The following RPS6KA2 variants were observed in gnomAD, a reference collection of about 807,000 sequenced individuals.
RPS6KA2 encodes ribosomal protein S6 kinase alpha-2.
Under a neutral mutation model 91.8 loss-of-function variants are expected in RPS6KA2, and 42 were observed. The ratio of observed to expected loss-of-function variants is 0.46; its 90% CI spans 0.36 to 0.59. The LOEUF is 0.59. Among genes scored for constraint, RPS6KA2 ranks in the 20% least tolerant of loss-of-function variants. The probability of loss-of-function intolerance (pLI) is 0.00; values close to 1 mark genes in which losing one functional copy is unlikely to be tolerated. For synonymous variants in RPS6KA2, 414 were observed against 393.6 expected (o/e 1.05, Z -0.61); for missense variants, 798 against 978.5 (o/e 0.82, Z 2.46).
intron 1 of RPS6KA2, among the ~76,000 whole-genome samples, chr6:166,552,446 T>C (rs1283743344): frequency 6.6e-6 from 1 of 152,184 alleles, no homozygotes; most frequent in African/African-American, 2.4e-5. Flanking sequence ...GCGAAAGATG[T>C]GGGCTTGAGA....
At chr6:166,506,234 T>C (rs932402268) in intron 5 of RPS6KA2, among the ~76,000 whole-genome samples, 1 of 152,194 alleles carries the variant, frequency 6.6e-6, no homozygotes, top group African/African-American at 2.4e-5. Flanking sequence ...CACGAATCTG[T>C]GGTGCCCGCC....
Position 166,490,810 on chromosome 6 carries a change from C to T in RPS6KA2, c.748-69G>A, listed in dbSNP as rs908179089. ...GACCCGGCTTCACGGCAGAGTACCC[C>T]AGCAGGGCAGCCTGCTACCGTGTCC... On this transcript the variant is annotated intron_variant, in intron 8 of 20. Transcript: ENST00000265678. This position sits in a 1 kb window ranked among gnomAD's most constrained non-coding sequence, Gnocchi z 4.2. The T allele has an allele frequency of 2.6e-6, 3 of 1,171,088 alleles. No individual in the cohort carries two copies. The highest frequency in any genetic ancestry group is 3.1e-5 in the African/African-American group (2 of 65,186). The allele number at this position is 1,171,088 out of a possible 1,614,324, so 72.5% of individuals were successfully genotyped here.
intron 2 of RPS6KA2, among the ~76,000 whole-genome samples, chr6:166,850,538 A>C (rs1030522816): frequency 2.0e-5 from 3 of 152,188 alleles, no homozygotes; most frequent in Admixed American, 6.5e-5. Context: ...ATAAAGAAAT[A>C]ATGCTTGTCT....
intron 1 of RPS6KA2, among the ~76,000 whole-genome samples, chr6:166,559,983 C>T (rs1316150704): frequency 6.6e-6 from 1 of 152,196 alleles, no homozygotes; most frequent in African/African-American, 2.4e-5. Flanking sequence ...GGAAAACATA[C>T]ACATGTGAAC....
chr6:166,579,187 A>T (rs774827059), intron 1 of RPS6KA2, among the ~76,000 whole-genome samples: 1 of 152,232 alleles, frequency 6.6e-6, no homozygotes, highest in African/African-American at 2.4e-5. Context: ...TGCTGTTTAG[A>T]AAACAATCTA....
At chr6:166,489,030 C>A in intron 9 of RPS6KA2, 109 bp from the exon 10 acceptor site, 1 of 885,678 alleles carries the variant, frequency 1.1e-6, no homozygotes, top group Non-Finnish European at 1.8e-6. Context: ...CCCAGAGCAG[C>A]CCGTGCTCTA....
At chr6:166,629,150 G>C (rs1786999287), upstream of RPS6KA2, among the ~76,000 whole-genome samples, 1 of 152,232 alleles carries the variant, frequency 6.6e-6, no homozygotes, top group Admixed American at 6.5e-5. Context: ...CCTCCAACTG[G>C]ACACAGACTC....
At chr6:166,576,264 T>A (rs372975527) in intron 1 of RPS6KA2, among the ~76,000 whole-genome samples, 1 of 152,152 alleles carries the variant, frequency 6.6e-6, no homozygotes, top group African/African-American at 2.4e-5. Flanking sequence ...ATACAGTAAA[T>A]TGGTACCAGT....
At chr6:166,542,314 G>A (rs1159597360) in intron 1 of RPS6KA2, 1 of 152,200 alleles carries the variant, frequency 6.6e-6, no homozygotes, top group Non-Finnish European at 1.5e-5. Context: ...TGCCTTTTCT[G>A]TTTTATGAAG....
Position 166,662,612 on chromosome 6 carries a change from G to T in RPS6KA2, c.124-123828C>A, listed in dbSNP as rs1788193193. Among the ~76,000 whole-genome samples, 1 of 152,184 alleles carries T rather than the reference G, an allele frequency of 6.6e-6. No individual in the cohort carries two copies. The highest frequency in any genetic ancestry group is 6.5e-5 in the Admixed American group (1 of 15,278). ...ATATGAAAATATGGACACAGATTCA[G>T]ATATAGTGTTGGGAGTATATGAATT... On this transcript the variant is annotated intron_variant, in intron 2 of 21. Transcript: ENST00000503859. The surrounding 1 kb of genome is among the most constrained non-coding windows in gnomAD (Gnocchi z 4.3).
chr6:166,647,864 ACACATG>A (rs1787677298), intron 2 of RPS6KA2, among the ~76,000 whole-genome samples: 2 of 82,374 alleles, frequency 2.4e-5, no homozygotes, highest in East Asian at 4.5e-4. Context: ...ATGCTCATAC[ACACATG>A]CACATGCTGA....
intron 3 of RPS6KA2, among the ~76,000 whole-genome samples, chr6:166,514,217 C>T (rs1278842947): frequency 6.6e-6 from 1 of 152,216 alleles, no homozygotes; most frequent in Non-Finnish European, 1.5e-5. Context: ...CCACTCCTTT[C>T]CCATCACTAC....
intron 2 of RPS6KA2, among the ~76,000 whole-genome samples, chr6:166,775,156 C>T (rs372656596): frequency 7.9e-5 from 12 of 152,164 alleles, no homozygotes; most frequent in East Asian, 5.8e-4. Context: ...ACGGTTTTAC[C>T]CAGACTTTGG....
chr6:166,613,271 C>T (rs1786253877), intron 1 of RPS6KA2, among the ~76,000 whole-genome samples: 1 of 152,256 alleles, frequency 6.6e-6, no homozygotes, highest in African/African-American at 2.4e-5. Flanking sequence ...CGCCACCATT[C>T]AGGCGGCTGG....
chr6:166,746,567 G>T (rs1562414575), intron 2 of RPS6KA2, among the ~76,000 whole-genome samples: 1 of 152,208 alleles, frequency 6.6e-6, no homozygotes, highest in Non-Finnish European at 1.5e-5. Flanking sequence ...TACCGACCTG[G>T]AGATAGCCTC....
intron 2 of RPS6KA2, among the ~76,000 whole-genome samples, chr6:166,718,769 C>T (rs989460246): frequency 6.6e-6 from 1 of 152,194 alleles, no homozygotes; most frequent in Non-Finnish European, 1.5e-5. Context: ...ACTTTCAGAT[C>T]GGTTATGTCT....
Position 166,423,410 on chromosome 6 carries a change from T to C in RPS6KA2, c.1589A>G (p.His530Arg). The change falls in exon 17 of 21, where the codon CAT (histidine) becomes CGT (arginine). Residue 530 changes from histidine to arginine, a missense_variant. Transcript: ENST00000265678. This position sits in a 1 kb window ranked among gnomAD's most constrained non-coding sequence, Gnocchi z 4.8. ...GATGTTACTCGGCTTCAGGTCTCGA[T>C]GAACAACCTGCAAGACAGAAGGCAC... ...MDYLHSQGVV[H>R]RDLKPSNILY... 2 of 1,608,614 alleles carry C rather than the reference T, an allele frequency of 1.2e-6. No individual in the cohort carries two copies. The highest frequency in any genetic ancestry group is 1.1e-5 in the South Asian group (1 of 90,928).
rs148333424 is a variant in RPS6KA2 at position 166,418,596 on chromosome 6, C to T, written c.1821-254G>A. On this transcript the variant is annotated intron_variant, in intron 18 of 20. Coordinates refer to ENST00000265678, the MANE Select transcript of RPS6KA2 (RefSeq NM_021135.6). The surrounding 1 kb of genome is among the most constrained non-coding windows in gnomAD (Gnocchi z 4.9). ...TGTGAGACCTGTGCTGTATCCCCTCCGGACCCAGGTAAACTGGGATGGGGT... is the reference window on the plus strand; with the variant it reads ...TGTGAGACCTGTGCTGTATCCCCTCTGGACCCAGGTAAACTGGGATGGGGT... Among the ~76,000 whole-genome samples, 1 of 152,338 alleles carries T rather than the reference C, an allele frequency of 6.6e-6. No homozygotes were observed. Among genetic ancestry groups the T allele is most frequent in the East Asian group, 1.9e-4 (1 of 5,176 alleles).
intron 2 of RPS6KA2, among the ~76,000 whole-genome samples, chr6:166,727,374 A>T (rs1790371462): frequency 6.6e-6 from 1 of 151,946 alleles, no homozygotes; most frequent in Admixed American, 6.6e-5. Flanking sequence ...ATATGCTGTA[A>T]TGTGTTACCA....
Sources: allele counts gnomAD v4.1 joint callset (sites outside exome capture counted in the v4.1 genomes callset), GRCh38; gene constraint gnomAD v4.1.1; non-coding constraint Gnocchi (gnomAD v3.1); transcripts MANE v1.5; gene names NCBI Gene and HGNC (gene_info 2026-07-23, HGNC 2026-07-21).